The following LRRC8C variants were observed in gnomAD, a reference collection of about 807,000 sequenced individuals.
LRRC8C encodes the protein volume-regulated anion channel subunit LRRC8C.
In LRRC8C, 20 loss-of-function variants were observed where a neutral mutation model predicts 55.3. The observed-to-expected ratio is 0.36, with a 90% CI of 0.25 to 0.53. The LOEUF (loss-of-function observed/expected upper bound fraction) is 0.53. Among genes scored for constraint, LRRC8C ranks in the 20% least tolerant of loss-of-function variants. The probability of loss-of-function intolerance (pLI) is 0.92; values close to 1 mark genes in which losing one functional copy is unlikely to be tolerated. For missense variants in LRRC8C, 659 were observed against 951.4 expected, an observed-to-expected ratio of 0.69 and a Z score of 4.04; for synonymous variants, 376 against 360.7, an observed-to-expected ratio of 1.04 and a Z score of -0.48.
chr1:89,658,192 T>C (rs1292237047), intron 1 of LRRC8C, among the ~76,000 whole-genome samples: 1 of 152,182 alleles, frequency 6.6e-6, no homozygotes, highest in African/African-American at 2.4e-5. Context: ...AGTCTCAGAA[T>C]GACTTTGCTT....
the LRRC8C span, among the ~76,000 whole-genome samples, chr1:89,623,637 G>A: frequency 6.6e-6 from 1 of 152,140 alleles, no homozygotes; most frequent in African/African-American, 2.4e-5. Context: ...CAAGAGAATT[G>A]CTTGAACCTA....
At chr1:89,625,302 C>G in the LRRC8C span, 3 of 152,140 alleles carry the variant, frequency 2.0e-5, no homozygotes, top group African/African-American at 7.2e-5. Context: ...CTCTCATTTT[C>G]AAATGAGGAC....
chr1:89,701,418 G>T (rs896906073), intron 2 of LRRC8C, among the ~76,000 whole-genome samples: 1 of 151,368 alleles, frequency 6.6e-6, no homozygotes, highest in Non-Finnish European at 1.5e-5. Flanking sequence ...GGAACTTGCA[G>T]TGAGCCAAGA....
At chr1:89,634,130 A>G (rs1248143336) in intron 1 of LRRC8C, among the ~76,000 whole-genome samples, 2 of 152,164 alleles carry the variant, frequency 1.3e-5, no homozygotes, top group Non-Finnish European at 2.9e-5. Flanking sequence ...AGTTTCTTCC[A>G]AACCTCGCAT....
intron 2 of LRRC8C, among the ~76,000 whole-genome samples, chr1:89,701,071 C>T (rs1186755754): frequency 6.6e-6 from 1 of 151,946 alleles, no homozygotes; most frequent in African/African-American, 2.4e-5. Flanking sequence ...CACTTGAGCC[C>T]AGGAGTTCAA....
At chr1:89,662,013 A>G (rs1450615584) in intron 1 of LRRC8C, among the ~76,000 whole-genome samples, 1 of 152,206 alleles carries the variant, frequency 6.6e-6, no homozygotes, top group East Asian at 1.9e-4. Context: ...TGCAAATGCA[A>G]AAGCAGGAGT....
At chr1:89,650,527 T>A (rs1656735374) in intron 1 of LRRC8C, among the ~76,000 whole-genome samples, 1 of 151,896 alleles carries the variant, frequency 6.6e-6, no homozygotes, top group African/African-American at 2.4e-5. Context: ...CCCCAAGTAA[T>A]CCATGGGTGG....
intron 1 of LRRC8C, among the ~76,000 whole-genome samples, chr1:89,671,795 T>G (rs1013124535): frequency 6.6e-6 from 1 of 152,206 alleles, no homozygotes; most frequent in Non-Finnish European, 1.5e-5. Flanking sequence ...AGAAGGCAGT[T>G]TTCTCCATTT....
chr1:89,708,559 G>A (rs1658553162), intron 2 of LRRC8C: 1 of 152,182 alleles, frequency 6.6e-6, no homozygotes, highest in Non-Finnish European at 1.5e-5. Flanking sequence ...CAAAAACACT[G>A]TTTAACCTTT....
chr1:89,623,151 GACACACACACACAC>G, the LRRC8C span, among the ~76,000 whole-genome samples: 1 of 149,642 alleles, frequency 6.7e-6, no homozygotes, highest in Non-Finnish European at 1.5e-5. Flanking sequence ...AACTAACTCA[GACACACACACACAC>G]ACACACACAC....
At chr1:89,622,523 C>T in the LRRC8C span, among the ~76,000 whole-genome samples, 2 of 152,042 alleles carry the variant, frequency 1.3e-5, no homozygotes, top group Non-Finnish European at 1.5e-5. Flanking sequence ...TTAGTAGAGA[C>T]GGGGTTTCAC....
chr1:89,675,508 C>G (rs1472962627), intron 1 of LRRC8C, among the ~76,000 whole-genome samples: 2 of 152,238 alleles, frequency 1.3e-5, no homozygotes, highest in Admixed American at 1.3e-4. Context: ...GAACCCTGTG[C>G]CCTCTTTGTT....
In LRRC8C at chr1:89,715,988, T is replaced by C. The variant is rs943836763; in HGVS notation, c.*1006T>C. ...CCTGTTACACAAAATAATCCACTTATATATACAGTCAGCCTTCCGTACTTG... is the reference window on the plus strand; with the variant it reads ...CCTGTTACACAAAATAATCCACTTACATATACAGTCAGCCTTCCGTACTTG... On this transcript the variant is annotated 3_prime_UTR_variant, in exon 3 of 3. Coordinates refer to ENST00000370454, the MANE Select transcript of LRRC8C (RefSeq NM_032270.5). 2.0e-5 allele frequency: 3 copies of C among 152,168 alleles called. No homozygotes were observed. The highest frequency in any genetic ancestry group is 2.9e-5 in the Non-Finnish European group (2 of 68,028). 9.4% of individuals were successfully genotyped at this position (152,168 alleles called of 1,614,324 possible).
In LRRC8C at chr1:89,713,984, C is replaced by T; in HGVS notation, c.1414C>T (p.Leu472Phe). 6.2e-7 allele frequency: 1 copy of T among 1,613,292 alleles called. No individual in the cohort carries two copies. Among genetic ancestry groups the T allele is most frequent in the Non-Finnish European group, 8.5e-7 (1 of 1,179,990 alleles). Residue 472 changes from leucine (L) to phenylalanine (F), a missense_variant, in exon 3 of 3, where the codon CTC becomes TTC. Physicochemically the swap from Leu to Phe is conservative, Grantham distance 22 (BLOSUM62 0). This residue lies in a region of LRRC8C where 344 missense variants were observed against 464.6 expected (regional missense o/e 0.74). Coordinates refer to ENST00000370454, the MANE Select transcript of LRRC8C (RefSeq NM_032270.5). This position sits in a 1 kb window ranked among gnomAD's most constrained non-coding sequence, Gnocchi z 5.2. ...TIAQLDNLQELSLHQCSVKIH... is the reference protein window; with the variant it reads ...TIAQLDNLQEFSLHQCSVKIH... ...TGCACAGCTAGACAATCTTCAAGAG[C>T]TCTCTCTGCACCAGTGTTCTGTCAA...
chr1:89,684,329 A>T (rs1570722739), intron 1 of LRRC8C, among the ~76,000 whole-genome samples: 1 of 152,238 alleles, frequency 6.6e-6, no homozygotes, highest in Non-Finnish European at 1.5e-5. Context: ...AACCAAATCT[A>T]TCAAGGAACA....
the LRRC8C span, among the ~76,000 whole-genome samples, chr1:89,617,250 G>T: frequency 2.6e-5 from 4 of 152,238 alleles, no homozygotes; most frequent in Non-Finnish European, 5.9e-5. Flanking sequence ...ATTTTTCAGA[G>T]AAACTAAGTG....
chr1:89,681,823 A>G (rs1657717622), intron 1 of LRRC8C, among the ~76,000 whole-genome samples: 1 of 152,200 alleles, frequency 6.6e-6, no homozygotes, highest in South Asian at 2.1e-4. Context: ...ATCTGTATAT[A>G]TATTTATATG....
intron 1 of LRRC8C, among the ~76,000 whole-genome samples, chr1:89,658,655 A>G (rs1265010051): frequency 6.6e-6 from 1 of 152,350 alleles, no homozygotes; most frequent in Non-Finnish European, 1.5e-5. Flanking sequence ...AAAACTACAC[A>G]ATTGATATAA....
At chr1:89,694,565 C>G (rs995617133) in intron 2 of LRRC8C, among the ~76,000 whole-genome samples, 3 of 144,342 alleles carry the variant, frequency 2.1e-5, no homozygotes, top group East Asian at 4.2e-4. Context: ...ATTACAGGTG[C>G]GTGACACCAT....
Sources: gnomAD v4.1 joint callset for allele counts (sites outside exome capture counted in the v4.1 genomes callset) on GRCh38, gnomAD v4.1.1 for gene constraint, gnomAD v4.1.1 regional missense constraint, Gnocchi (gnomAD v3.1) non-coding constraint, MANE v1.5 for transcripts, NCBI Gene and HGNC (gene_info 2026-07-23, HGNC 2026-07-21) for gene names.